CNOT6L: variants seen among roughly 807,000 people sequenced by gnomAD.
The protein encoded by CNOT6L is CCR4-NOT transcription complex subunit 6-like.
In CNOT6L, 7 loss-of-function variants were observed where a neutral mutation model predicts 64.0. The observed-to-expected ratio is 0.11, with a 90% CI of 0.06 to 0.21. The LOEUF is 0.21. Among genes scored for constraint, CNOT6L ranks in the 10% least tolerant of loss-of-function variants. The pLI is 1.00. For synonymous variants in CNOT6L, 193 were observed against 243.4 expected, an observed-to-expected ratio of 0.79 and a Z score of 1.93; for missense variants, 245 against 669.0, an observed-to-expected ratio of 0.37 and a Z score of 6.99.
upstream of CNOT6L, chr4:77,819,372 A>AAC (rs573178011): frequency 8.2e-6 from 13 of 1,591,644 alleles, no homozygotes; most frequent in African/African-American, 8.1e-5. Context: ...CACACACACA[A>AAC]ACACGCGCGC....
chr4:77,807,008 G>A (rs1471819407), intron 1 of CNOT6L, among the ~76,000 whole-genome samples: 2 of 152,082 alleles, frequency 1.3e-5, no homozygotes, highest in Non-Finnish European at 2.9e-5. Flanking sequence ...ACAAAGGTAA[G>A]GCATATATCA....
At chr4:77,805,267 T>G (rs914518384) in intron 1 of CNOT6L, among the ~76,000 whole-genome samples, 6 of 152,166 alleles carry the variant, frequency 3.9e-5, no homozygotes, top group East Asian at 3.8e-4. Context: ...GTACATATTA[T>G]TTCCCAAAAC....
chr4:77,757,467 G>A (rs1050412165), intron 4 of CNOT6L, among the ~76,000 whole-genome samples: 1 of 152,166 alleles, frequency 6.6e-6, no homozygotes, highest in Admixed American at 6.5e-5. Flanking sequence ...TGTTATAACA[G>A]TAATTAGGAA....
chr4:77,786,831 G>A (rs1729505087), intron 1 of CNOT6L, among the ~76,000 whole-genome samples: 1 of 152,126 alleles, frequency 6.6e-6, no homozygotes, highest in South Asian at 2.1e-4. Flanking sequence ...CACAGGGGTT[G>A]CTGAAAAATA....
intron 11 of CNOT6L, among the ~76,000 whole-genome samples, chr4:77,724,277 G>C (rs1236823654): frequency 6.6e-6 from 1 of 151,648 alleles, no homozygotes; most frequent in African/African-American, 2.4e-5. Flanking sequence ...TTGAGCCCAG[G>C]AGGGTGAAGC....
At chr4:77,776,739 G>A (rs1251366831) in intron 1 of CNOT6L, among the ~76,000 whole-genome samples, 3 of 152,166 alleles carry the variant, frequency 2.0e-5, no homozygotes, top group East Asian at 1.9e-4. Flanking sequence ...AGAGAATAAG[G>A]TAATTCTATC....
At chr4:77,815,853 G>A (rs1318543572) in intron 1 of CNOT6L, among the ~76,000 whole-genome samples, 3 of 152,296 alleles carry the variant, frequency 2.0e-5, no homozygotes, top group East Asian at 1.9e-4. Context: ...CTAACCAGGA[G>A]CACCTGCACT....
At chr4:77,809,775 A>AT (rs1248449023) in intron 1 of CNOT6L, among the ~76,000 whole-genome samples, 1 of 152,106 alleles carries the variant, frequency 6.6e-6, no homozygotes, top group Non-Finnish European at 1.5e-5. Flanking sequence ...TAGGAAATCT[A>AT]TTTAAGTAAT....
intron 3 of CNOT6L, 31 bp downstream of exon 3, chr4:77,774,499 A>G (rs753869350): frequency 1.9e-5 from 29 of 1,523,836 alleles, no homozygotes; most frequent in Middle Eastern, 1.8e-4. Flanking sequence ...AGAATTTTAT[A>G]TAGTGAGTCA....
intron 1 of CNOT6L, among the ~76,000 whole-genome samples, chr4:77,793,922 G>T (rs568038211): frequency 6.6e-6 from 1 of 151,804 alleles, no homozygotes; most frequent in Non-Finnish European, 1.5e-5. Flanking sequence ...AAGCTGCGGC[G>T]GGTAGATCAA....
At chr4:77,791,523 G>A (rs1428626548) in intron 1 of CNOT6L, among the ~76,000 whole-genome samples, 1 of 152,112 alleles carries the variant, frequency 6.6e-6, no homozygotes, top group Non-Finnish European at 1.5e-5. Flanking sequence ...AAAAAGTTCA[G>A]TGTCCATTTA....
chr4:77,781,381 G>A (rs1728839212), intron 1 of CNOT6L, among the ~76,000 whole-genome samples: 1 of 152,114 alleles, frequency 6.6e-6, no homozygotes, highest in Non-Finnish European at 1.5e-5. Context: ...AATATTTAAT[G>A]TATTTTAGGG....
At chr4:77,759,062 T>C (rs1009819106) in intron 4 of CNOT6L, among the ~76,000 whole-genome samples, 1 of 151,792 alleles carries the variant, frequency 6.6e-6, no homozygotes, top group African/African-American at 2.4e-5. Context: ...AGTAAACATA[T>C]TTAACTCCTA....
intron 1 of CNOT6L, among the ~76,000 whole-genome samples, chr4:77,804,423 C>T (rs1172405853): frequency 7.0e-6 from 1 of 143,562 alleles, no homozygotes; most frequent in Non-Finnish European, 1.5e-5. Context: ...AGCAAGACCC[C>T]ATCTCAAAAA....
chr4:77,734,325 A>G (rs1055845107), intron 8 of CNOT6L, among the ~76,000 whole-genome samples: 2 of 152,150 alleles, frequency 1.3e-5, no homozygotes, highest in African/African-American at 2.4e-5. Flanking sequence ...AAAAGTTAAT[A>G]TATTTCCCCA....
At chr4:77,817,326 T>C (rs1449107590) in intron 1 of CNOT6L, among the ~76,000 whole-genome samples, 3 of 152,202 alleles carry the variant, frequency 2.0e-5, no homozygotes, top group East Asian at 1.9e-4. Flanking sequence ...TTTATATATA[T>C]ACCTTTTGTA....
rs536049293 is a variant in CNOT6L at position 77,793,250 on chromosome 4, A to G, written c.6-16858T>C. On this transcript the variant is annotated intron_variant, in intron 1 of 11. Transcript: ENST00000504123. ...AGATGATGATATTCTAGCCATCAAA[A>G]GTATCTCTGGATGCTGAGAAGCAGA... Among the ~76,000 whole-genome samples the G allele has an allele frequency of 5.8e-4, 89 of 152,306 alleles. No individual in the cohort carries two copies. In the South Asian group the frequency reaches 9.5e-3, roughly 16 times the overall value.
intron 1 of CNOT6L, among the ~76,000 whole-genome samples, chr4:77,817,951 A>G (rs1733756975): frequency 6.6e-6 from 1 of 152,216 alleles, no homozygotes; most frequent in Admixed American, 6.5e-5. Flanking sequence ...TCCAAATGCC[A>G]TTTGTATTTG....
At chr4:77,756,244 C>T (rs1019349281) in intron 5 of CNOT6L, among the ~76,000 whole-genome samples, 7 of 152,166 alleles carry the variant, frequency 4.6e-5, no homozygotes, top group African/African-American at 1.2e-4. Flanking sequence ...CCGCCTTCCT[C>T]GGCCACACAA....
Sources: gnomAD v4.1 joint callset for allele counts (sites outside exome capture counted in the v4.1 genomes callset) on GRCh38, gnomAD v4.1.1 for gene constraint, MANE v1.5 for transcripts, NCBI Gene and HGNC (gene_info 2026-07-23, HGNC 2026-07-21) for gene names.